The following GULP1 variants were observed in gnomAD, a reference collection of about 807,000 sequenced individuals.
The protein encoded by GULP1 is PTB domain-containing engulfment adapter protein 1.
GULP1 carries 19 observed loss-of-function variants against 40.9 expected under a neutral mutation model. The observed-to-expected ratio is 0.46, with a 90% CI of 0.32 to 0.68. The LOEUF is 0.68. GULP1 is among the 30% of genes least tolerant of loss of function. The pLI, the probability that GULP1 is intolerant of heterozygous loss-of-function variation, is 0.03. For synonymous variants in GULP1, 119 were observed against 117.6 expected (o/e 1.01, Z -0.08); for missense variants, 312 against 362.2 (o/e 0.86, Z 1.12).
chr2:188,553,215 G>A (rs1165129824), intron 7 of GULP1, among the ~76,000 whole-genome samples: 1 of 151,836 alleles, frequency 6.6e-6, no homozygotes, highest in Non-Finnish European at 1.5e-5. Context: ...TTCCAGTACC[G>A]TGTTGAATAG....
At chr2:188,571,710 C>T (rs1461047667) in intron 9 of GULP1, among the ~76,000 whole-genome samples, 1 of 152,132 alleles carries the variant, frequency 6.6e-6, no homozygotes, top group Non-Finnish European at 1.5e-5. Context: ...AACACACATC[C>T]TCTTGGGTTT....
chr2:188,392,851 C>T (rs2050709400), intron 2 of GULP1, among the ~76,000 whole-genome samples: 1 of 152,040 alleles, frequency 6.6e-6, no homozygotes, highest in Non-Finnish European at 1.5e-5. Context: ...ACTCAAAAAT[C>T]ATTCAGGAGC....
chr2:188,344,934 C>T (rs191196183), intron 1 of GULP1, among the ~76,000 whole-genome samples: 98 of 152,148 alleles, frequency 6.4e-4, no homozygotes, highest in Non-Finnish European at 7.9e-4. Context: ...ATATGTCTTG[C>T]AATGTACTTT....
At chr2:188,521,803 G>A (rs1394979934) in intron 4 of GULP1, among the ~76,000 whole-genome samples, 4 of 152,214 alleles carry the variant, frequency 2.6e-5, no homozygotes, top group African/African-American at 9.6e-5. Context: ...TTGGCCGGGT[G>A]TGGTGGCTCA....
rs989471012 is a variant in GULP1 at position 188,425,116 on chromosome 2, A to G, written c.-45+41227A>G. Among the ~76,000 whole-genome samples, 8 of 152,182 alleles carry G rather than the reference A, an allele frequency of 5.3e-5. No individual in the cohort carries two copies. The East Asian group carries it at 1.5e-3, about 29-fold the overall frequency. On this transcript the variant is annotated intron_variant, in intron 2 of 11. Coordinates refer to ENST00000409830, the MANE Select transcript of GULP1 (RefSeq NM_016315.4). The stretch of plus-strand genomic sequence containing the variant: ...CATTACTAACATACTAATTAACAGA[A>G]TACTTCTAAAAAACATCACCACTGC...
At chr2:188,413,704 A>G (rs2054208165) in intron 2 of GULP1, among the ~76,000 whole-genome samples, 1 of 152,152 alleles carries the variant, frequency 6.6e-6, no homozygotes, top group South Asian at 2.1e-4. Context: ...TCCTATCATA[A>G]TGTCAGCCAC....
intron 4 of GULP1, among the ~76,000 whole-genome samples, chr2:188,515,521 T>G (rs1224865339): frequency 2.0e-5 from 3 of 152,194 alleles, no homozygotes; most frequent in Non-Finnish European, 4.4e-5. Context: ...TTAATATGCT[T>G]GAGTGTATGT....
intron 1 of GULP1, among the ~76,000 whole-genome samples, chr2:188,354,952 T>G (rs2045070769): frequency 6.6e-6 from 1 of 151,958 alleles, no homozygotes; most frequent in African/African-American, 2.4e-5. Context: ...GACCAATAGA[T>G]TAATGAGGAA....
intron 4 of GULP1, among the ~76,000 whole-genome samples, chr2:188,492,980 T>G (rs1003104721): frequency 6.6e-6 from 1 of 152,112 alleles, no homozygotes; most frequent in Non-Finnish European, 1.5e-5. Context: ...CTTATTTTAG[T>G]CTTACTTGCC....
At chr2:188,411,598 C>T (rs138335289) in intron 2 of GULP1, among the ~76,000 whole-genome samples, 125 of 152,268 alleles carry the variant, frequency 8.2e-4, no homozygotes, top group African/African-American at 2.8e-3. Flanking sequence ...TGAGCATTCA[C>T]GTAAGATAAC....
intron 2 of GULP1, among the ~76,000 whole-genome samples, chr2:188,475,740 T>C (rs2060957530): frequency 6.6e-6 from 1 of 152,114 alleles, no homozygotes; most frequent in African/African-American, 2.4e-5. Context: ...CAGGATATGC[T>C]CAATAAATAA....
At chr2:188,355,013 A>G (rs776082418) in intron 1 of GULP1, among the ~76,000 whole-genome samples, 8 of 152,194 alleles carry the variant, frequency 5.3e-5, no homozygotes, top group Non-Finnish European at 1.2e-4. Context: ...ATGAACCACA[A>G]CATACCAAAA....
At chr2:188,419,112 A>C (rs1276254430) in intron 2 of GULP1, among the ~76,000 whole-genome samples, 1 of 152,190 alleles carries the variant, frequency 6.6e-6, no homozygotes, top group Non-Finnish European at 1.5e-5. Flanking sequence ...TTCATTGCTC[A>C]CTGGACATTT....
At chr2:188,419,112 A>G (rs1276254430) in intron 2 of GULP1, among the ~76,000 whole-genome samples, 1 of 152,190 alleles carries the variant, frequency 6.6e-6, no homozygotes, top group African/African-American at 2.4e-5. Flanking sequence ...TTCATTGCTC[A>G]CTGGACATTT....
chr2:188,589,507 A>G (rs150228789), intron 11 of GULP1: 23 of 333,908 alleles, frequency 6.9e-5, no homozygotes, highest in Middle Eastern at 8.4e-4. Context: ...CAGGTCATAC[A>G]GAGTACTTCT....
chr2:188,467,592 C>T (rs1251103772), intron 2 of GULP1, among the ~76,000 whole-genome samples: 1 of 152,084 alleles, frequency 6.6e-6, no homozygotes, highest in African/African-American at 2.4e-5. Flanking sequence ...AAGCTGTACA[C>T]ACAGTTCTCC....
At chr2:188,576,721 A>G (rs1700242603) in intron 9 of GULP1, among the ~76,000 whole-genome samples, 1 of 152,056 alleles carries the variant, frequency 6.6e-6, no homozygotes, top group Non-Finnish European at 1.5e-5. Flanking sequence ...AATCTTTTCA[A>G]TGGTTTTAGA....
intron 3 of GULP1, among the ~76,000 whole-genome samples, chr2:188,481,239 A>C (rs1238720065): frequency 6.6e-6 from 1 of 151,988 alleles, no homozygotes. Context: ...TCATATATCT[A>C]ATACCTTCTA....
chr2:188,538,645 A>T, intron 6 of GULP1, among the ~76,000 whole-genome samples: 1 of 151,802 alleles, frequency 6.6e-6, no homozygotes. Context: ...TGTCCCCAAA[A>T]CATTCCTAAG....
Sources: allele counts gnomAD v4.1 joint callset (sites outside exome capture counted in the v4.1 genomes callset), GRCh38; gene constraint gnomAD v4.1.1; transcripts MANE v1.5; gene names NCBI Gene and HGNC (gene_info 2026-07-23, HGNC 2026-07-21).